ALDH2: variants seen among roughly 807,000 people sequenced by gnomAD.
ALDH2 encodes the protein aldehyde dehydrogenase 2 family member, also known as aldehyde dehydrogenase, mitochondrial.
ALDH2 carries 44 observed loss-of-function variants against 59.6 expected under a neutral mutation model. The observed-to-expected ratio is 0.74, with a 90% CI of 0.58 to 0.95. ALDH2 has a LOEUF of 0.95. ALDH2 is among the 40% of genes least tolerant of loss of function. The pLI is 0.00. For missense variants in ALDH2, 570 were observed against 696.3 expected (o/e 0.82, Z 2.04); for synonymous variants, 291 against 284.0 (o/e 1.02, Z -0.25).
intron 4 of ALDH2, among the ~76,000 whole-genome samples, chr12:111,787,787 T>G (rs1398751658): frequency 6.6e-6 from 1 of 151,976 alleles, no homozygotes; most frequent in Non-Finnish European, 1.5e-5. Flanking sequence ...ATCCCAGCAC[T>G]TTGGGAGGTC....
rs1473191137 is a variant in ALDH2, at chr12:111,814,963, A to G, written c.*5388A>G. ...ACTTCTGAGCTTCCATTTCCTCACA[A>G]TCTCTGCAGTCACTTCCAACTCTCA... On this transcript the variant is annotated 3_prime_UTR_variant, in exon 13 of 13. Coordinates refer to ENST00000261733, the MANE Select transcript of ALDH2 (RefSeq NM_000690.4). The G allele has an allele frequency of 1.3e-5, 2 of 152,206 alleles. No homozygotes were observed. Among genetic ancestry groups the G allele is most frequent in the Non-Finnish European group, 2.9e-5 (2 of 68,052 alleles). 9.4% of individuals were successfully genotyped at this position (152,206 alleles called of 1,614,324 possible).
chr12:111,794,673 A>T (rs1045547781), intron 9 of ALDH2, among the ~76,000 whole-genome samples: 3 of 151,948 alleles, frequency 2.0e-5, no homozygotes, highest in African/African-American at 7.3e-5. Context: ...CACCTGGCTA[A>T]TATTCATATT....
At chr12:111,782,311 T>C (rs927752748) in intron 2 of ALDH2, among the ~76,000 whole-genome samples, 8 of 152,280 alleles carry the variant, frequency 5.3e-5, no homozygotes, top group Non-Finnish European at 8.8e-5. Context: ...TGGGTAGAAT[T>C]TGGGTCTCCT....
At chr12:111,791,567 C>T (rs2068359779) in intron 7 of ALDH2, 148 bp downstream of exon 7, 2 of 651,792 alleles carry the variant, frequency 3.1e-6, no homozygotes, top group East Asian at 2.7e-5. Context: ...AGGGGTGGGG[C>T]AGGGTTGAGC....
In ALDH2 at chr12:111,771,019, A is replaced by C. The variant is rs191277979; in HGVS notation, c.114+3923A>C. Among the ~76,000 whole-genome samples the C allele has an allele frequency of 2.1e-4, 32 of 152,084 alleles. No homozygotes were observed. In the South Asian group the frequency reaches 6.0e-3, roughly 29 times the overall value. On this transcript the variant is annotated intron_variant, in intron 1 of 12. Coordinates refer to ENST00000261733, the MANE Select transcript of ALDH2 (RefSeq NM_000690.4). ...GGTCTTGAACTTCTAGGCTCAAGCA[A>C]TCTTCCCTCCTTGGCCTCCCAAAGT...
intron 4 of ALDH2, among the ~76,000 whole-genome samples, chr12:111,788,140 G>A (rs1018202577): frequency 3.9e-5 from 6 of 152,184 alleles, no homozygotes; most frequent in Non-Finnish European, 5.9e-5. Flanking sequence ...AACCTGGGAG[G>A]CGGAGGTTGC....
chr12:111,799,841 T>G (rs1566193526), intron 10 of ALDH2, 65 bp from the exon 11 acceptor site: 3 of 1,556,650 alleles, frequency 1.9e-6, no homozygotes, highest in Admixed American at 1.7e-5. Flanking sequence ...TGTTCTGCTC[T>G]GAGAGAGCTC....
intron 1 of ALDH2, 125 bp from the exon 2 acceptor site, chr12:111,781,793 G>A (rs1593073402): frequency 1.5e-6 from 1 of 684,928 alleles, no homozygotes; most frequent in African/African-American, 1.8e-5. Context: ...CTTTTCATTT[G>A]TAGGCTACAC....
intron 3 of ALDH2, among the ~76,000 whole-genome samples, 167 bp from the exon 4 acceptor site, chr12:111,785,100 A>C (rs1234207312): frequency 6.6e-6 from 1 of 152,094 alleles, no homozygotes; most frequent in Admixed American, 6.6e-5. Flanking sequence ...CTTTGGAGAG[A>C]CCATGGCAAT....
rs59847103 is a variant in ALDH2 at position 111,811,182 on chromosome 12, C to CA, written c.*1624dup. 4,510 of 75,510 alleles carry CA rather than the reference C, an allele frequency of 0.06. 97 individuals are homozygous for CA. The highest frequency in any genetic ancestry group is 0.079 in the Middle Eastern group (12 of 152). The allele number at this position is 75,510 out of a possible 1,614,324, so 4.7% of individuals were successfully genotyped here. A position where few individuals can be genotyped will look rare whatever the true frequency, so the allele number is the denominator to read the frequency against. Reference sequence around the variant, plus strand: ...AGAAACCCCATCTCTACTGAAAATACAAAAAAAAAAAAAAAAACTAGCCGG... The same window carrying CA: ...AGAAACCCCATCTCTACTGAAAATACAAAAAAAAAAAAAAAAAACTAGCCGG... On this transcript the variant is annotated 3_prime_UTR_variant, in exon 13 of 13. Transcript: ENST00000261733.
rs376999045 is a variant in ALDH2 at position 111,781,408 on chromosome 12, C to T, written c.115-510C>T. 1.3e-4 allele frequency among the ~76,000 whole-genome samples: 20 copies of T among 152,262 alleles called. 1 individual carries two copies. The highest frequency in any genetic ancestry group is 6.8e-3 in the Middle Eastern group (2 of 294). ...GGAAGCCAGCTGCCATGTGGGAAGTCGGACTAGCTTGAGCCAGCCATGCAG... is the reference window on the plus strand; with the variant it reads ...GGAAGCCAGCTGCCATGTGGGAAGTTGGACTAGCTTGAGCCAGCCATGCAG... On this transcript the variant is annotated intron_variant, in intron 1 of 12. Coordinates refer to ENST00000261733, the MANE Select transcript of ALDH2 (RefSeq NM_000690.4).
intron 11 of ALDH2, among the ~76,000 whole-genome samples, chr12:111,800,901 A>G (rs1435934150): frequency 2.0e-5 from 3 of 152,198 alleles, no homozygotes; most frequent in African/African-American, 7.2e-5. Context: ...TGTAACAGCC[A>G]AAAGGTGAAC....
chr12:111,789,758 C>A, intron 4 of ALDH2, 65 bp from the exon 5 acceptor site: 1 of 1,367,006 alleles, frequency 7.3e-7, no homozygotes, highest in Non-Finnish European at 1.0e-6. Flanking sequence ...TCTTCTCTTT[C>A]TGCCAGGGTT....
chr12:111,791,964 T>C (rs2068363253), intron 7 of ALDH2, 97 bp from the exon 8 acceptor site: 3 of 770,054 alleles, frequency 3.9e-6, no homozygotes, highest in Non-Finnish European at 4.5e-6. Flanking sequence ...GTCCAGTTGC[T>C]CACTCAAGCT....
At chr12:111,782,086 G>A in intron 2 of ALDH2, 64 bp downstream of exon 2, 1 of 1,312,538 alleles carries the variant, frequency 7.6e-7, no homozygotes, top group South Asian at 1.2e-5. Context: ...ACGTTTTTGT[G>A]TGGTGAAAGC....
chr12:111,788,214 A>C (rs1430214344), intron 4 of ALDH2, among the ~76,000 whole-genome samples: 5 of 152,164 alleles, frequency 3.3e-5, no homozygotes, highest in Admixed American at 6.6e-5. Context: ...TCGTCTCAAA[A>C]AAAAGAAAAA....
intron 10 of ALDH2, among the ~76,000 whole-genome samples, chr12:111,799,352 A>T (rs138903429): frequency 4.4e-4 from 67 of 151,788 alleles, no homozygotes; most frequent in Middle Eastern, 3.4e-3. Flanking sequence ...TTTTCAGTAG[A>T]GATGGGGTTT....
In ALDH2 at chr12:111,817,087, G is replaced by A. The variant is rs1005565268; in HGVS notation, c.*7512G>A. Reference sequence around the variant, plus strand: ...GATTTCAACAATGCCACTTCAGTTTGTAACTCAGTGTTAATTTTATTCTGA... The same window carrying A: ...GATTTCAACAATGCCACTTCAGTTTATAACTCAGTGTTAATTTTATTCTGA... On this transcript the variant is annotated 3_prime_UTR_variant, in exon 13 of 13. Transcript: ENST00000261733. 68 of 152,292 alleles carry A rather than the reference G, an allele frequency of 4.5e-4. No homozygotes were observed. The highest frequency in any genetic ancestry group is 1.5e-3 in the African/African-American group (63 of 41,560). The allele number at this position is 152,292 out of a possible 1,614,324, so 9.4% of individuals were successfully genotyped here.
intron 6 of ALDH2, among the ~76,000 whole-genome samples, chr12:111,790,842 T>C (rs960027700): frequency 6.6e-6 from 1 of 151,986 alleles, no homozygotes; most frequent in Non-Finnish European, 1.5e-5. Flanking sequence ...GTTGCTTGAG[T>C]TCAGGAGTTT....
Sources: allele counts gnomAD v4.1 joint callset (sites outside exome capture counted in the v4.1 genomes callset), GRCh38; gene constraint gnomAD v4.1.1; transcripts MANE v1.5; gene names NCBI Gene and HGNC (gene_info 2026-07-23, HGNC 2026-07-21).